PLD5: variants seen among roughly 807,000 people sequenced by gnomAD.
PLD5 encodes phospholipase D family member 5, also known as inactive phospholipase D5.
Under a neutral mutation model 61.1 loss-of-function variants are expected in PLD5, and 36 were observed. That is an observed-to-expected ratio of 0.59 (90% CI 0.45 to 0.78). The LOEUF (loss-of-function observed/expected upper bound fraction) is 0.78. Ranked by LOEUF, PLD5 falls within the 30% of genes least tolerant of loss-of-function variation. PLD5 has a pLI of 0.00. For synonymous variants in PLD5, 243 were observed against 242.8 expected (o/e 1.00, Z -0.01); for missense variants, 515 against 644.4 (o/e 0.80, Z 2.17).
intron 2 of PLD5, among the ~76,000 whole-genome samples, chr1:242,317,322 T>C (rs1574720723): frequency 1.3e-5 from 2 of 152,202 alleles, no homozygotes; most frequent in African/African-American, 4.8e-5. Context: ...GCCTCCACTA[T>C]TGATGAACAT....
chr1:242,106,216 T>C (rs1558225644), intron 8 of PLD5, among the ~76,000 whole-genome samples: 1 of 152,194 alleles, frequency 6.6e-6, no homozygotes, highest in Non-Finnish European at 1.5e-5. Context: ...TAACCTGATG[T>C]TAGGTATTTT....
intron 7 of PLD5, among the ~76,000 whole-genome samples, chr1:242,109,108 C>T (rs1315904804): frequency 6.6e-6 from 1 of 152,248 alleles, no homozygotes; most frequent in African/African-American, 2.4e-5. Flanking sequence ...ATTGGTTTCT[C>T]TGCCTCCAGT....
At chr1:242,179,773 C>T (rs1211548794) in intron 5 of PLD5, among the ~76,000 whole-genome samples, 1 of 152,140 alleles carries the variant, frequency 6.6e-6, no homozygotes, top group Non-Finnish European at 1.5e-5. Context: ...CATGGTGGTG[C>T]ATGGCAGTGG....
chr1:242,427,028 G>A (rs550006401), intron 1 of PLD5, among the ~76,000 whole-genome samples: 2 of 152,280 alleles, frequency 1.3e-5, no homozygotes, highest in South Asian at 2.1e-4. Context: ...AAAGATGGAA[G>A]GAGCCTAAGT....
chr1:242,255,128 A>G (rs1159682724), intron 4 of PLD5, among the ~76,000 whole-genome samples: 1 of 152,090 alleles, frequency 6.6e-6, no homozygotes, highest in Non-Finnish European at 1.5e-5. Context: ...AAGCAGCTTC[A>G]TAAGTCCCCT....
chr1:242,510,372 A>C (rs1210522571), intron 1 of PLD5, among the ~76,000 whole-genome samples: 1 of 152,206 alleles, frequency 6.6e-6, no homozygotes. Context: ...ATGTACAAAG[A>C]AAGTGTCTGT....
chr1:242,099,065 A>T (rs75903822), intron 9 of PLD5, among the ~76,000 whole-genome samples: 54 of 152,198 alleles, frequency 3.5e-4, no homozygotes, highest in African/African-American at 1.3e-3. Context: ...GTGCTGGGAG[A>T]ACCACCACTC....
intron 2 of PLD5, among the ~76,000 whole-genome samples, chr1:242,322,932 C>T (rs1220570014): frequency 6.6e-6 from 1 of 152,138 alleles, no homozygotes; most frequent in African/African-American, 2.4e-5. Flanking sequence ...ATCTACCTAT[C>T]TATATTACTG....
At chr1:242,453,782 T>TG (rs1298781871) in intron 1 of PLD5, among the ~76,000 whole-genome samples, 1 of 152,188 alleles carries the variant, frequency 6.6e-6, no homozygotes, top group Non-Finnish European at 1.5e-5. Flanking sequence ...CACCCCTCTC[T>TG]CATAAAAGAA....
At position 242,086,026 on chromosome 1, in the gene PLD5, T is replaced by A. The variant is rs766010099; in HGVS notation, c.*3828A>T. On this transcript the variant is annotated 3_prime_UTR_variant, in exon 10 of 10. Coordinates refer to ENST00000536534, the MANE Select transcript of PLD5 (RefSeq NM_001372062.1). ...AACAAACAGAATGAATCAGAGTCACTGAGTATAGCCACAGGCTGGTGGGAA... is the reference window on the plus strand; with the variant it reads ...AACAAACAGAATGAATCAGAGTCACAGAGTATAGCCACAGGCTGGTGGGAA... 2.0e-5 allele frequency: 3 copies of A among 152,112 alleles called. No individual in the cohort carries two copies. The highest frequency in any genetic ancestry group is 4.4e-5 in the Non-Finnish European group (3 of 68,026). 9.4% of individuals were successfully genotyped at this position (152,112 alleles called of 1,614,324 possible). A position where few individuals can be genotyped will look rare whatever the true frequency, so the allele number is the denominator to read the frequency against.
chr1:242,272,386 T>C (rs879330531), intron 3 of PLD5, among the ~76,000 whole-genome samples: 1 of 152,176 alleles, frequency 6.6e-6, no homozygotes, highest in Non-Finnish European at 1.5e-5. Flanking sequence ...ATATTATCAA[T>C]AAACTTGATT....
chr1:242,099,857 G>C (rs1394467565), intron 9 of PLD5, among the ~76,000 whole-genome samples: 1 of 152,104 alleles, frequency 6.6e-6, no homozygotes, highest in African/African-American at 2.4e-5. Context: ...TCTGTACAAT[G>C]TAATCACTAC....
At chr1:242,406,445 G>A (rs1479604814) in intron 1 of PLD5, among the ~76,000 whole-genome samples, 1 of 152,182 alleles carries the variant, frequency 6.6e-6, no homozygotes, top group African/African-American at 2.4e-5. Context: ...CTTCTCAAAG[G>A]CTAATGAAAA....
chr1:242,449,192 G>A (rs973011260), intron 1 of PLD5, among the ~76,000 whole-genome samples: 1 of 152,154 alleles, frequency 6.6e-6, no homozygotes, highest in African/African-American at 2.4e-5. Context: ...CAGTGCTCTG[G>A]TGAAAAGAGT....
At chr1:242,346,463 G>T (rs1460145425) in intron 2 of PLD5, among the ~76,000 whole-genome samples, 1 of 152,078 alleles carries the variant, frequency 6.6e-6, no homozygotes, top group African/African-American at 2.4e-5. Context: ...GAAGCAGTGT[G>T]TTCTCACTCT....
chr1:242,513,605 C>T (rs1669006161), intron 1 of PLD5, among the ~76,000 whole-genome samples: 1 of 152,242 alleles, frequency 6.6e-6, no homozygotes, highest in Admixed American at 6.5e-5. Context: ...AAGGCCCACT[C>T]ATATATGCTG....
In PLD5 at chr1:242,239,172, T is replaced by C. The variant is rs116634591; in HGVS notation, c.608-19057A>G. On this transcript the variant is annotated intron_variant, in intron 4 of 9. Coordinates refer to ENST00000536534, the MANE Select transcript of PLD5 (RefSeq NM_001372062.1). ...AAAATTGGAACTTGTATTTTATTCA[T>C]TTGAAATCCCCCATTGTCTGGCACA... Among the ~76,000 whole-genome samples, 626 of 152,308 alleles carry C rather than the reference T, an allele frequency of 4.1e-3. 5 individuals are homozygous for C. The highest frequency in any genetic ancestry group is 0.015 in the African/African-American group (607 of 41,568).
intron 5 of PLD5, among the ~76,000 whole-genome samples, chr1:242,198,661 G>GAGATGTCTAAACTGAGA (rs1668789646): frequency 7.3e-6 from 1 of 137,226 alleles, no homozygotes; most frequent in Admixed American, 7.7e-5. Flanking sequence ...GAGATGTGCT[G>GAGATGTCTAAACTGAGA]TGGGTGTCAA....
chr1:242,411,337 G>T (rs967862675), intron 1 of PLD5, among the ~76,000 whole-genome samples: 2 of 152,160 alleles, frequency 1.3e-5, no homozygotes, highest in Non-Finnish European at 2.9e-5. Flanking sequence ...CCGGGTTCAC[G>T]CCATTCTCCT....
Sources: allele counts gnomAD v4.1 joint callset (sites outside exome capture counted in the v4.1 genomes callset), GRCh38; gene constraint gnomAD v4.1.1; transcripts MANE v1.5; gene names NCBI Gene and HGNC (gene_info 2026-07-23, HGNC 2026-07-21).